Variants in UGT1A10 observed in about 807,000 individuals in gnomAD.
The protein encoded by UGT1A10 is UDP-glucuronosyltransferase 1A10.
Under a neutral mutation model 45.8 loss-of-function variants are expected in UGT1A10, and 49 were observed. The ratio of observed to expected loss-of-function variants is 1.07; its 90% CI spans 0.85 to 1.36. The LOEUF (loss-of-function observed/expected upper bound fraction) is 1.36, where lower values mean the gene tolerates loss of function less well. Ranked by LOEUF, UGT1A10 falls within the 40% of genes most tolerant of loss-of-function variation. The pLI is 0.00. For synonymous variants in UGT1A10, 284 were observed against 249.7 expected (o/e 1.14, Z -1.29); for missense variants, 745 against 668.6 (o/e 1.11, Z -1.26).
chr2:233,749,977 G>A (rs2221198), intron 1 of UGT1A10, among the ~76,000 whole-genome samples: 68,794 of 151,608 alleles, frequency 0.45, 16,248 homozygotes, highest in South Asian at 0.58. Flanking sequence ...ATAGCAGTGT[G>A]AGAATGGACT....
chr2:233,729,309 C>T, intron 1 of UGT1A10: 3 of 1,614,256 alleles, frequency 1.9e-6, no homozygotes, highest in Non-Finnish European at 2.5e-6. Context: ...CAGTGGTCCT[C>T]ACCCCAGAGG....
chr2:233,735,459 T>C (rs1405136849), intron 1 of UGT1A10, among the ~76,000 whole-genome samples: 1 of 152,220 alleles, frequency 6.6e-6, no homozygotes, highest in African/African-American at 2.4e-5. Context: ...CTTGACTCTT[T>C]ATCCAATTTG....
intron 1 of UGT1A10, among the ~76,000 whole-genome samples, chr2:233,669,208 A>G (rs536406526): frequency 1.3e-5 from 2 of 152,332 alleles, no homozygotes; most frequent in African/African-American, 4.8e-5. Flanking sequence ...ATATTTGATT[A>G]CTATAGATTT....
intron 1 of UGT1A10, chr2:233,693,804 T>A: frequency 1.2e-6 from 2 of 1,614,202 alleles, no homozygotes; most frequent in Non-Finnish European, 1.7e-6. Context: ...CCTAGGCCGG[T>A]CATGCCCAAC....
intron 1 of UGT1A10, among the ~76,000 whole-genome samples, chr2:233,660,005 G>T (rs1223051264): frequency 6.6e-6 from 1 of 152,116 alleles, no homozygotes; most frequent in Non-Finnish European, 1.5e-5. Context: ...CAAGATCTCT[G>T]TCTTCAAACT....
intron 1 of UGT1A10, among the ~76,000 whole-genome samples, chr2:233,712,032 A>C (rs564582261): frequency 2.6e-4 from 40 of 152,322 alleles, no homozygotes; most frequent in African/African-American, 8.4e-4. Flanking sequence ...TTGGTGCTGG[A>C]TTGACTTGGA....
chr2:233,675,193 TGGCCCC>T (rs947693177), intron 1 of UGT1A10, among the ~76,000 whole-genome samples: 1 of 152,164 alleles, frequency 6.6e-6, no homozygotes, highest in Admixed American at 6.6e-5. Context: ...GGATGGCAGA[TGGCCCC>T]GTCTTCAATG....
chr2:233,684,766 A>T (rs182124602), intron 1 of UGT1A10, among the ~76,000 whole-genome samples: 38 of 152,314 alleles, frequency 2.5e-4, no homozygotes, highest in Non-Finnish European at 4.9e-4. Flanking sequence ...TTCAGATCAT[A>T]AAGAGTGCCC....
intron 1 of UGT1A10, chr2:233,713,918 A>G (rs1452399293): frequency 2.5e-6 from 4 of 1,612,224 alleles, no homozygotes; most frequent in Non-Finnish European, 3.4e-6. Context: ...TAAAAAATGT[A>G]TTTACTTACA....
At chr2:233,650,447 C>T (rs2073711083) in intron 1 of UGT1A10, among the ~76,000 whole-genome samples, 1 of 152,214 alleles carries the variant, frequency 6.6e-6, no homozygotes, top group Non-Finnish European at 1.5e-5. Flanking sequence ...ATTGTTTCTG[C>T]TGTTAATTGT....
chr2:233,658,677 G>A (rs2073904618), intron 1 of UGT1A10, among the ~76,000 whole-genome samples: 1 of 152,196 alleles, frequency 6.6e-6, no homozygotes, highest in Non-Finnish European at 1.5e-5. Context: ...GACCACAAAG[G>A]TAATGTCTTT....
intron 1 of UGT1A10, chr2:233,713,868 G>A: frequency 6.2e-7 from 1 of 1,613,750 alleles, no homozygotes; most frequent in Non-Finnish European, 8.5e-7. Flanking sequence ...GGTCTGTATT[G>A]GTGCCTTTAT....
intron 1 of UGT1A10, among the ~76,000 whole-genome samples, chr2:233,707,757 T>A (rs1165246358): frequency 2.6e-5 from 4 of 152,186 alleles, no homozygotes; most frequent in African/African-American, 9.7e-5. Flanking sequence ...CTGAAACACA[T>A]GTGAGTGGGT....
intron 3 of UGT1A10, 24 bp downstream of exon 3, chr2:233,767,960 T>G (rs769330196): frequency 1.2e-6 from 2 of 1,614,082 alleles, no homozygotes; most frequent in Admixed American, 3.3e-5. Context: ...ATTGGATGTA[T>G]AGGTCAAACC....
chr2:233,648,796 A>G (rs2073668357), intron 1 of UGT1A10: 2 of 916,576 alleles, frequency 2.2e-6, no homozygotes, highest in South Asian at 1.3e-5. Context: ...GAGAGTAAGG[A>G]ACCACATCTT....
At chr2:233,693,365 C>T in intron 1 of UGT1A10, 2 of 1,614,176 alleles carry the variant, frequency 1.2e-6, no homozygotes, top group South Asian at 2.2e-5. Flanking sequence ...TGTTATTGGC[C>T]TGTACTTCAT....
chr2:233,673,311 T>A (rs1248168526), intron 1 of UGT1A10, among the ~76,000 whole-genome samples: 1 of 152,190 alleles, frequency 6.6e-6, no homozygotes, highest in Non-Finnish European at 1.5e-5. Flanking sequence ...ACAGACAGAT[T>A]TGACAAGTTC....
At chr2:233,768,544 T>C in intron 4 of UGT1A10, 105 bp downstream of exon 4, 1 of 1,425,890 alleles carries the variant, frequency 7.0e-7, no homozygotes, top group South Asian at 1.4e-5. Context: ...GTTTCAAATA[T>C]AAAAACAAAT....
intron 1 of UGT1A10, among the ~76,000 whole-genome samples, chr2:233,679,459 C>G (rs2074453167): frequency 6.6e-6 from 1 of 152,200 alleles, no homozygotes; most frequent in Non-Finnish European, 1.5e-5. Flanking sequence ...TGCATTTACA[C>G]AAAACAGTAG....
Sources: gnomAD v4.1 joint callset for allele counts (sites outside exome capture counted in the v4.1 genomes callset) on GRCh38, gnomAD v4.1.1 for gene constraint, MANE v1.5 for transcripts, NCBI Gene and HGNC (gene_info 2026-07-23, HGNC 2026-07-21) for gene names.